Variants in SDK1 observed in about 807,000 individuals in gnomAD.
SDK1 encodes protein sidekick-1.
SDK1 carries 157 observed loss-of-function variants against 245.5 expected under a neutral mutation model. The ratio of observed to expected loss-of-function variants is 0.64; its 90% CI spans 0.56 to 0.73. SDK1 has a LOEUF of 0.73. Ranked by LOEUF, SDK1 falls within the 30% of genes least tolerant of loss-of-function variation. The probability of loss-of-function intolerance (pLI) is 0.00; values close to 1 mark genes in which losing one functional copy is unlikely to be tolerated. For missense variants in SDK1, 3,583 were observed against 3,002.3 expected (o/e 1.19, Z -4.52); for synonymous variants, 1,647 against 1,278.5 (o/e 1.29, Z -6.15).
chr7:3,967,338 C>G lies in SDK1; in HGVS notation c.1450C>G (p.Gln484Glu), dbSNP rs1340077145. 1.2e-6 allele frequency: 2 copies of G among 1,613,834 alleles called. No individual in the cohort carries two copies. Among genetic ancestry groups the G allele is most frequent in the African/African-American group, 2.7e-5 (2 of 74,918 alleles). Residue 484 changes from glutamine (Q) to glutamate (E), a missense_variant, in exon 10 of 45, where the codon CAG (glutamine) becomes GAG (glutamate). By Grantham distance (29) the Gln-to-Glu change is conservative (BLOSUM62 2). Coordinates refer to ENST00000404826, the MANE Select transcript of SDK1 (RefSeq NM_152744.4). Reference protein sequence around the residue: ...DVTNIAPVFTQRPVDTTVTDG... With the variant: ...DVTNIAPVFTERPVDTTVTDG... Reference sequence around the variant, plus strand: ...CTCAGATATCGCTCCAGTGTTCACCCAGCGGCCAGTGGACACCACAGTTAC... The same window carrying G: ...CTCAGATATCGCTCCAGTGTTCACCGAGCGGCCAGTGGACACCACAGTTAC...
At chr7:3,843,404 A>G (rs955044754) in intron 5 of SDK1, among the ~76,000 whole-genome samples, 1 of 152,214 alleles carries the variant, frequency 6.6e-6, no homozygotes, top group South Asian at 2.1e-4. Context: ...TAGCTATTTG[A>G]AAAAGGAGCT....
Position 4,195,228 on chromosome 7 carries a change from C to T in SDK1, c.5099-10651C>T, listed in dbSNP as rs148345930. 5.9e-3 allele frequency among the ~76,000 whole-genome samples: 903 copies of T among 152,320 alleles called. 25 individuals are homozygous for T. The highest frequency in any genetic ancestry group is 1.6e-3 in the Non-Finnish European group (108 of 68,034). ...GTGGTGAAAACATTTAAAACCTACT[C>T]TTCTAGCAACTCTGAAATGGTGCAC... On this transcript the variant is annotated intron_variant, in intron 35 of 44. Transcript: ENST00000404826.
chr7:3,781,173 A>G (rs1056207277), intron 4 of SDK1, among the ~76,000 whole-genome samples: 2 of 152,224 alleles, frequency 1.3e-5, no homozygotes, highest in East Asian at 3.9e-4. Context: ...TGCTAACCTC[A>G]GAGAACAGCC....
At chr7:4,040,470 G>A (rs60562202) in intron 17 of SDK1, among the ~76,000 whole-genome samples, 35,411 of 152,018 alleles carry the variant, frequency 0.23, 5,859 homozygotes, top group African/African-American at 0.48. Context: ...TCACGCTGAC[G>A]AAATCAAGGA....
chr7:3,953,580 C>G (rs1781001524), intron 7 of SDK1, among the ~76,000 whole-genome samples: 1 of 152,130 alleles, frequency 6.6e-6, no homozygotes. Context: ...ACGTGTAAAT[C>G]TCTAGTAGAC....
intron 5 of SDK1, among the ~76,000 whole-genome samples, chr7:3,864,119 GT>G (rs1357612547): frequency 6.6e-6 from 1 of 151,744 alleles, no homozygotes; most frequent in Non-Finnish European, 1.5e-5. Flanking sequence ...TTTTGTTTTT[GT>G]TTTCATAATA....
chr7:4,016,189 C>T (rs1343578299), intron 16 of SDK1, among the ~76,000 whole-genome samples: 1 of 152,234 alleles, frequency 6.6e-6, no homozygotes, highest in Non-Finnish European at 1.5e-5. Flanking sequence ...CAGAGATCAG[C>T]GTCCTGGAGG....
chr7:4,013,416 A>T (rs1230496128), intron 16 of SDK1, among the ~76,000 whole-genome samples: 1 of 152,234 alleles, frequency 6.6e-6, no homozygotes, highest in Non-Finnish European at 1.5e-5. Context: ...ATATTGGGAC[A>T]AGAACAGTGG....
intron 35 of SDK1, among the ~76,000 whole-genome samples, chr7:4,196,354 C>T (rs1022685114): frequency 6.6e-6 from 1 of 152,250 alleles, no homozygotes; most frequent in African/African-American, 2.4e-5. Context: ...CACTCCCTAG[C>T]TACAGCCAAA....
intron 20 of SDK1, among the ~76,000 whole-genome samples, chr7:4,074,892 A>C (rs1396054577): frequency 0.088 from 5,668 of 64,388 alleles, 228 homozygotes; most frequent in African/African-American, 0.12. Context: ...CTCTGTATAT[A>C]TATATATATA....
At chr7:3,705,294 A>T (rs1037670321) in intron 4 of SDK1, among the ~76,000 whole-genome samples, 1 of 152,070 alleles carries the variant, frequency 6.6e-6, no homozygotes, top group Non-Finnish European at 1.5e-5. Flanking sequence ...GGTCATTTTC[A>T]TGATACTGAT....
At chr7:3,475,833 C>G (rs963744618) in intron 1 of SDK1, among the ~76,000 whole-genome samples, 2 of 152,150 alleles carry the variant, frequency 1.3e-5, no homozygotes, top group African/African-American at 2.4e-5. Flanking sequence ...CCTGAGCTGC[C>G]TCTCTGGCTC....
intron 30 of SDK1, among the ~76,000 whole-genome samples, chr7:4,150,691 C>T (rs749485215): frequency 2.0e-4 from 30 of 152,242 alleles, no homozygotes; most frequent in Admixed American, 1.3e-3. Flanking sequence ...CTCCTCAGAA[C>T]ACCACCCTGG....
At chr7:3,958,617 C>G (rs1488634189) in intron 7 of SDK1, among the ~76,000 whole-genome samples, 3 of 152,164 alleles carry the variant, frequency 2.0e-5, no homozygotes, top group African/African-American at 7.2e-5. Flanking sequence ...CCATAAAATA[C>G]GGTGCTGTAA....
chr7:4,224,486 A>T (rs965789692), intron 40 of SDK1, among the ~76,000 whole-genome samples: 1 of 152,154 alleles, frequency 6.6e-6, no homozygotes, highest in South Asian at 2.1e-4. Context: ...TCCTAAAACC[A>T]TTCATGAGAA....
At chr7:3,550,071 A>G (rs1779350601) in intron 1 of SDK1, among the ~76,000 whole-genome samples, 1 of 152,144 alleles carries the variant, frequency 6.6e-6, no homozygotes, top group Non-Finnish European at 1.5e-5. Context: ...AATATGTGAA[A>G]TTTGTAGCTT....
chr7:3,534,903 G>A (rs576481500), intron 1 of SDK1, among the ~76,000 whole-genome samples: 48 of 152,262 alleles, frequency 3.2e-4, no homozygotes, highest in Non-Finnish European at 4.7e-4. Flanking sequence ...TGTACAGTAA[G>A]GAGCAGACAA....
chr7:3,790,238 TG>T (rs1270087878), intron 4 of SDK1, among the ~76,000 whole-genome samples: 1 of 152,136 alleles, frequency 6.6e-6, no homozygotes, highest in Non-Finnish European at 1.5e-5. Flanking sequence ...AGAAATGGAA[TG>T]GGTTCAGAGA....
chr7:3,845,277 G>A (rs1583470113), intron 5 of SDK1, among the ~76,000 whole-genome samples: 1 of 152,060 alleles, frequency 6.6e-6, no homozygotes, highest in Non-Finnish European at 1.5e-5. Flanking sequence ...GGATCACAAG[G>A]TCAGGAGTTC....
Sources: gnomAD v4.1 joint callset for allele counts (sites outside exome capture counted in the v4.1 genomes callset) on GRCh38, gnomAD v4.1.1 for gene constraint, MANE v1.5 for transcripts, NCBI Gene and HGNC (gene_info 2026-07-23, HGNC 2026-07-21) for gene names.